Variants in NUBP1 observed in about 807,000 individuals in gnomAD.
NUBP1 encodes cytosolic Fe-S cluster assembly factor NUBP1.
In NUBP1, 46 loss-of-function variants were observed where a neutral mutation model predicts 41.8. The ratio of observed to expected loss-of-function variants is 1.10; its 90% confidence interval spans 0.87 to 1.41. The LOEUF (loss-of-function observed/expected upper bound fraction) is 1.41, where lower values mean the gene tolerates loss of function less well. Ranked by LOEUF, NUBP1 falls within the 40% of genes most tolerant of loss-of-function variation. NUBP1 has a pLI of 0.00. For missense variants in NUBP1, 494 were observed against 414.0 expected, an observed-to-expected ratio of 1.19 and a Z score of -1.68; for synonymous variants, 189 against 154.6, an observed-to-expected ratio of 1.22 and a Z score of -1.65.
At chr16:10,764,709 C>T (rs2697656) in intron 9 of NUBP1, among the ~76,000 whole-genome samples, 1,053 of 151,154 alleles carry the variant, frequency 7.0e-3, no homozygotes, top group African/African-American at 0.025. Context: ...GCATCTCAGT[C>T]TGCTGGAGTA....
chr16:10,764,848 T>TCC (rs58740091), intron 9 of NUBP1, among the ~76,000 whole-genome samples: 1 of 29,272 alleles, frequency 3.4e-5, no homozygotes. Flanking sequence ...TTGGAGCATC[T>TCC]GTCTGCTGGA....
rs938893751 is a variant in NUBP1 at position 10,766,122 on chromosome 16, G to A, written c.821-1827G>A. The A allele has an allele frequency of 5.2e-5, 8 of 152,404 alleles. No individual in the cohort carries two copies. Among genetic ancestry groups the A allele is most frequent in the Non-Finnish European group, 8.8e-5 (6 of 68,212 alleles). 9.4% of individuals were successfully genotyped at this position (152,404 alleles called of 1,614,324 possible). A position where few individuals can be genotyped will look rare whatever the true frequency, so the allele number is the denominator to read the frequency against. On this transcript the variant is annotated intron_variant, in intron 9 of 10. Coordinates refer to ENST00000283027, the MANE Select transcript of NUBP1 (RefSeq NM_002484.4). The surrounding 1 kb of genome is among the most constrained non-coding windows in gnomAD (Gnocchi z 4.8). ...GTGGCAAAGAGTTACAGATGCCAGC[G>A]CTCTGGTGCTATGGGTCCTGGTCCC...
Position 10,762,460 on chromosome 16 carries a change from G to A in NUBP1, c.820+601G>A, listed in dbSNP as rs372453198. Among the ~76,000 whole-genome samples the A allele has an allele frequency of 6.6e-5, 10 of 152,314 alleles. No individual in the cohort carries two copies. The East Asian group carries it at 1.5e-3, about 24-fold the overall frequency. On this transcript the variant is annotated intron_variant, in intron 9 of 10. Coordinates refer to ENST00000283027, the MANE Select transcript of NUBP1 (RefSeq NM_002484.4). ...CGGGGTTTCACGTCTCCACCCACAC[G>A]CCCGCCGGGCGCCCACTCGCCGCGG...
rs777149995 is a variant in NUBP1 at position 10,749,120 on chromosome 16, G to GACACAC, written c.258+1849_258+1850insCACACA. 9.9e-3 allele frequency among the ~76,000 whole-genome samples: 918 copies of GACACAC among 92,332 alleles called. 27 individuals are homozygous for GACACAC. Among genetic ancestry groups the GACACAC allele is most frequent in the African/African-American group, 0.027 (706 of 25,786 alleles). 60.6% of individuals were successfully genotyped at this position (92,332 alleles called of 152,430 possible). A position where few individuals can be genotyped will look rare whatever the true frequency, so the allele number is the denominator to read the frequency against. ...AAAAAAGGATATAGATAGATACACAGACACATACACACACACACACACACA... is the reference window on the plus strand; with the variant it reads ...AAAAAAGGATATAGATAGATACACAGACACACACACATACACACACACACACACACA... On this transcript the variant is annotated intron_variant, in intron 3 of 10. Coordinates refer to ENST00000283027, the MANE Select transcript of NUBP1 (RefSeq NM_002484.4). This position sits in a 1 kb window ranked among gnomAD's most constrained non-coding sequence, Gnocchi z 4.1.
chr16:10,744,212 G>C (rs896774218), intron 2 of NUBP1, 147 bp downstream of exon 2: 10 of 812,670 alleles, frequency 1.2e-5, no homozygotes, highest in Non-Finnish European at 1.8e-5. Context: ...GGCCCAGAAG[G>C]GGCGGGGCGT....
At chr16:10,755,393 C>G (rs1435988294) in intron 4 of NUBP1, among the ~76,000 whole-genome samples, 1 of 152,180 alleles carries the variant, frequency 6.6e-6, no homozygotes, top group Non-Finnish European at 1.5e-5. Flanking sequence ...TCTGCATTTT[C>G]TCATCAGTCC....
chr16:10,746,474 C>G (rs1179248708), intron 2 of NUBP1, among the ~76,000 whole-genome samples: 1 of 152,202 alleles, frequency 6.6e-6, no homozygotes, highest in Non-Finnish European at 1.5e-5. Context: ...AGCATGGTGG[C>G]TCACACCTGT....
chr16:10,744,977 C>T (rs911407871), intron 2 of NUBP1, among the ~76,000 whole-genome samples: 7 of 150,858 alleles, frequency 4.6e-5, no homozygotes, highest in East Asian at 4.1e-4. Flanking sequence ...AGGTTGGTCT[C>T]GAACTCCTGA....
chr16:10,762,308 C>T (rs921980230), intron 9 of NUBP1, among the ~76,000 whole-genome samples: 4 of 152,142 alleles, frequency 2.6e-5, no homozygotes, highest in South Asian at 4.1e-4. Context: ...CGGGACAGAC[C>T]GGAACGCGGA....
intron 3 of NUBP1, 37 bp downstream of exon 3, chr16:10,747,313 G>T: frequency 1.2e-6 from 2 of 1,606,646 alleles, no homozygotes; most frequent in Non-Finnish European, 1.7e-6. Context: ...TGCTCATTTT[G>T]TCTGAGGGTC....
In NUBP1 at chr16:10,757,963, T is replaced by C; in HGVS notation, c.542T>C (p.Leu181Pro). 6.2e-7 allele frequency: 1 copy of C among 1,613,886 alleles called. No individual in the cohort carries two copies. Among genetic ancestry groups the C allele is most frequent in the Non-Finnish European group, 8.5e-7 (1 of 1,180,000 alleles). ...DTPPGTSDEH[L>P]SVVRYLATAH... ...CCACCTGGGACGTCGGATGAACACC[T>C]CTCGGTCGTCCGGTACCTGGCCACA... The change falls in exon 7 of 11, where the codon CTC (leucine) becomes CCC (proline). Residue 181 changes from leucine (L) to proline (P), a missense_variant. Transcript: ENST00000283027. This position sits in a 1 kb window ranked among gnomAD's most constrained non-coding sequence, Gnocchi z 4.1.
Position 10,761,865 on chromosome 16 carries a change from T to TG in NUBP1, c.820+7dup, listed in dbSNP as rs778927790. The TG allele has an allele frequency of 6.2e-7, 1 of 1,610,838 alleles. No individual in the cohort carries two copies. Among genetic ancestry groups the TG allele is most frequent in the Non-Finnish European group, 8.5e-7 (1 of 1,177,324 alleles). ...GCCCCTGGATCCGCTCATAGGTGGG[T>TG]GACCCCAGTGTGGGGCGGCACCTCA... On this transcript the variant is annotated splice_region_variant and intron_variant, in intron 9 of 10. Coordinates refer to ENST00000283027, the MANE Select transcript of NUBP1 (RefSeq NM_002484.4).
chr16:10,754,930 A>G (rs1255117251), intron 4 of NUBP1, among the ~76,000 whole-genome samples: 1 of 152,118 alleles, frequency 6.6e-6, no homozygotes, highest in Non-Finnish European at 1.5e-5. Context: ...CTATAATCTC[A>G]GCTACCTGGG....
intron 5 of NUBP1, among the ~76,000 whole-genome samples, chr16:10,756,116 C>T (rs535322169): frequency 3.9e-5 from 6 of 152,306 alleles, no homozygotes; most frequent in African/African-American, 1.4e-4. Flanking sequence ...CAGTGGCTCA[C>T]ACCTGTGATC....
intron 9 of NUBP1, among the ~76,000 whole-genome samples, chr16:10,763,283 C>G (rs937957123): frequency 6.6e-6 from 1 of 151,766 alleles, no homozygotes; most frequent in Non-Finnish European, 1.5e-5. Context: ...ACAGGATTGC[C>G]AAGGGGCCGT....
chr16:10,745,432 G>A (rs1355026806), intron 2 of NUBP1, among the ~76,000 whole-genome samples: 2 of 152,086 alleles, frequency 1.3e-5, no homozygotes, highest in Admixed American at 6.6e-5. Flanking sequence ...TCCAGCCTGG[G>A]TGACAGAGTG....
chr16:10,756,668 C>T (rs760727255), intron 5 of NUBP1, 22 bp from the exon 6 acceptor site: 174 of 1,524,692 alleles, frequency 1.1e-4, no homozygotes, highest in Non-Finnish European at 1.2e-4. Flanking sequence ...CGTGTCTTGC[C>T]CTCACCCTGT....
chr16:10,767,472 G>C lies in NUBP1; in HGVS notation c.821-477G>C, dbSNP rs2031065404. The C allele has an allele frequency of 2.5e-6, 1 of 401,706 alleles. No homozygotes were observed. Among genetic ancestry groups the C allele is most frequent in the African/African-American group, 2.1e-5 (1 of 47,724 alleles). The allele number at this position is 401,706 out of a possible 1,614,324, so 24.9% of individuals were successfully genotyped here. A position where few individuals can be genotyped will look rare whatever the true frequency, so the allele number is the denominator to read the frequency against. On this transcript the variant is annotated intron_variant, in intron 9 of 10. Transcript: ENST00000283027. The surrounding 1 kb of genome is among the most constrained non-coding windows in gnomAD (Gnocchi z 4.6). The stretch of plus-strand genomic sequence containing the variant: ...TCGTATTTTAGGTATATGAGAGTGT[G>C]TGTATGTGTGTGCGCACACATGCAA...
chr16:10,755,274 C>CT (rs977055073), intron 4 of NUBP1, among the ~76,000 whole-genome samples: 3 of 152,170 alleles, frequency 2.0e-5, no homozygotes, highest in Admixed American at 2.0e-4. Flanking sequence ...GGAAGCTCCC[C>CT]TTTGTGGCTG....
Sources: gnomAD v4.1 joint callset for allele counts (sites outside exome capture counted in the v4.1 genomes callset) on GRCh38, gnomAD v4.1.1 for gene constraint, Gnocchi (gnomAD v3.1) non-coding constraint, MANE v1.5 for transcripts, NCBI Gene and HGNC (gene_info 2026-07-23, HGNC 2026-07-21) for gene names.